RIMKLA: variants seen among roughly 807,000 people sequenced by gnomAD.
The protein encoded by RIMKLA is ribosomal modification protein rimK like family member A.
In RIMKLA, 14 loss-of-function variants were observed where a neutral mutation model predicts 32.7. The observed-to-expected ratio is 0.43, with a 90% CI of 0.28 to 0.67. The LOEUF (loss-of-function observed/expected upper bound fraction) is 0.67, where lower values mean the gene tolerates loss of function less well. Ranked by LOEUF, RIMKLA falls within the 30% of genes least tolerant of loss-of-function variation. The pLI is 0.18. For missense variants in RIMKLA, 410 were observed against 519.0 expected, an observed-to-expected ratio of 0.79 and a Z score of 2.04; for synonymous variants, 176 against 204.1, an observed-to-expected ratio of 0.86 and a Z score of 1.18.
rs545971561 is a variant in RIMKLA at position 42,387,547 on chromosome 1, C to T, written c.163+6450C>T. On this transcript the variant is annotated intron_variant, in intron 1 of 4. Coordinates refer to ENST00000431473, the MANE Select transcript of RIMKLA (RefSeq NM_173642.4). ...ACTTTATGTGTCTTAATCTTTGCAA[C>T]AATCCTATACATTCATTTATTTCAT... Among the ~76,000 whole-genome samples the T allele has an allele frequency of 1.9e-3, 286 of 152,310 alleles. 2 individuals carry two copies. Among genetic ancestry groups the T allele is most frequent in the African/African-American group, 6.6e-3 (273 of 41,562 alleles).
intron 1 of RIMKLA, among the ~76,000 whole-genome samples, chr1:42,386,194 A>G (rs1372643508): frequency 6.6e-6 from 1 of 151,770 alleles, no homozygotes; most frequent in African/African-American, 2.4e-5. Flanking sequence ...AAATGCTGGT[A>G]TTACGGGCGT....
At chr1:42,389,902 A>C (rs937610987) in intron 1 of RIMKLA, among the ~76,000 whole-genome samples, 30 of 152,084 alleles carry the variant, frequency 2.0e-4, no homozygotes, top group African/African-American at 7.2e-4. Context: ...CCCCAATAAG[A>C]GCAGTTTCAG....
Position 42,423,123 on chromosome 1 carries a change from C to T in RIMKLA, c.*8149C>T, listed in dbSNP as rs1391386174. Among the ~76,000 whole-genome samples the T allele has an allele frequency of 1.3e-5, 2 of 152,054 alleles. No homozygotes were observed. The highest frequency in any genetic ancestry group is 4.8e-5 in the African/African-American group (2 of 41,384). On this transcript the variant is annotated 3_prime_UTR_variant, in exon 5 of 5. Transcript: ENST00000431473. ...TAACAGTCAAAACAAGGCTCAAGAC[C>T]CTTGAACTAAGGCTATTCCCCAGCT...
chr1:42,394,720 C>T (rs896704451), intron 1 of RIMKLA, among the ~76,000 whole-genome samples: 9 of 151,940 alleles, frequency 5.9e-5, no homozygotes, highest in African/African-American at 2.2e-4. Flanking sequence ...CATACAAATG[C>T]GTAAGTCCAG....
intron 1 of RIMKLA, among the ~76,000 whole-genome samples, chr1:42,395,370 T>C (rs1643034279): frequency 6.6e-6 from 1 of 151,894 alleles, no homozygotes; most frequent in African/African-American, 2.4e-5. Context: ...GTTTTTTTTT[T>C]TTTTTTAAGT....
At chr1:42,412,693 A>G (rs1353486033) in intron 4 of RIMKLA, 1 of 466,522 alleles carries the variant, frequency 2.1e-6, no homozygotes, top group African/African-American at 2.0e-5. Context: ...TAGAAACCAG[A>G]TGATGACTTT....
chr1:42,385,844 C>CTTTCTT lies in RIMKLA; in HGVS notation c.163+4748_163+4749insTTCTTT, dbSNP rs1553175520. On this transcript the variant is annotated intron_variant, in intron 1 of 4. Coordinates refer to ENST00000431473, the MANE Select transcript of RIMKLA (RefSeq NM_173642.4). ...CCTTCCTTCCTTTCTTTCTTTCTTT[C>CTTTCTT]TCTTTCTTTCTTTCTTTCTTTCTTT... Among the ~76,000 whole-genome samples the CTTTCTT allele has an allele frequency of 9.5e-3, 541 of 57,066 alleles. 77 individuals are homozygous for CTTTCTT. Among genetic ancestry groups the CTTTCTT allele is most frequent in the Middle Eastern group, 0.03 (3 of 100 alleles). 37.4% of individuals were successfully genotyped at this position (57,066 alleles called of 152,430 possible).
intron 1 of RIMKLA, among the ~76,000 whole-genome samples, chr1:42,390,850 A>G (rs12567285): frequency 0.15 from 22,858 of 152,034 alleles, 1,819 homozygotes; most frequent in East Asian, 0.23. Flanking sequence ...TAAAGGGTTG[A>G]ATTGGTCTGG....
At chr1:42,383,024 T>A (rs563814229) in intron 1 of RIMKLA, among the ~76,000 whole-genome samples, 30 of 150,552 alleles carry the variant, frequency 2.0e-4, no homozygotes, top group African/African-American at 7.3e-4. Context: ...CTTTTTTTTT[T>A]AATTTTTATT....
Position 42,414,530 on chromosome 1 carries a change from G to A in RIMKLA, c.732G>A (p.Leu244=). 1 of 1,614,188 alleles carries A rather than the reference G, an allele frequency of 6.2e-7. No homozygotes were observed. The highest frequency in any genetic ancestry group is 8.5e-7 in the Non-Finnish European group (1 of 1,180,030). ...KCPLTEQGKQ[L]AIQVSNILGM... ...CGCTGACAGAACAAGGCAAGCAGTT[G>A]GCTATTCAGGTGTCCAACATCCTAG... is the stretch of plus-strand genomic sequence containing the variant. The change falls in exon 5 of 5, where the codon TTG becomes TTA. Residue 244 remains leucine, a synonymous_variant. Coordinates refer to ENST00000431473, the MANE Select transcript of RIMKLA (RefSeq NM_173642.4).
chr1:42,419,995 A>G lies in RIMKLA; in HGVS notation c.*5021A>G, dbSNP rs940892646. On this transcript the variant is annotated 3_prime_UTR_variant, in exon 5 of 5. Coordinates refer to ENST00000431473, the MANE Select transcript of RIMKLA (RefSeq NM_173642.4). The stretch of plus-strand genomic sequence containing the variant: ...ACATGCTCCAGTTTCAATCAGCAAC[A>G]AGGTCAAAAGTTTCCCCCCACTTTC... The G allele has an allele frequency of 6.6e-6, 1 of 152,262 alleles. No homozygotes were observed. The highest frequency in any genetic ancestry group is 2.4e-5 in the African/African-American group (1 of 41,448). 9.4% of individuals were successfully genotyped at this position (152,262 alleles called of 1,614,324 possible).
At chr1:42,385,883 T>TTCTTTCC (rs1557750087) in intron 1 of RIMKLA, among the ~76,000 whole-genome samples, 4 of 90,250 alleles carry the variant, frequency 4.4e-5, no homozygotes, top group African/African-American at 1.7e-4. Flanking sequence ...TCTTTCTTTC[T>TTCTTTCC]TTCTTTCTTT....
At chr1:42,385,775 C>CTTTGTTTG (rs1280215808) in intron 1 of RIMKLA, among the ~76,000 whole-genome samples, 32 of 55,352 alleles carry the variant, frequency 5.8e-4, no homozygotes, top group African/African-American at 2.7e-3. Context: ...TTCTTTGTTT[C>CTTTGTTTG]TTTGTTTGTT....
At chr1:42,400,705 G>A (rs1643089727) in intron 2 of RIMKLA, among the ~76,000 whole-genome samples, 2 of 152,148 alleles carry the variant, frequency 1.3e-5, no homozygotes, top group Admixed American at 6.5e-5. Flanking sequence ...ATTTCAGTTT[G>A]GGACATGATC....
chr1:42,386,493 G>GT (rs202135712), intron 1 of RIMKLA, among the ~76,000 whole-genome samples: 2,224 of 151,942 alleles, frequency 0.015, 54 homozygotes, highest in African/African-American at 0.05. Context: ...GATTATAATT[G>GT]TTTTTTGGTT....
At chr1:42,385,747 C>CTTTG (rs1418722881) in intron 1 of RIMKLA, among the ~76,000 whole-genome samples, 1 of 118,578 alleles carries the variant, frequency 8.4e-6, no homozygotes, top group African/African-American at 5.0e-5. Context: ...TTCTTTCTTT[C>CTTTG]TTTCTTTCTT....
At chr1:42,388,583 G>C (rs945756543) in intron 1 of RIMKLA, among the ~76,000 whole-genome samples, 2 of 145,322 alleles carry the variant, frequency 1.4e-5, no homozygotes, top group Non-Finnish European at 3.0e-5. Flanking sequence ...GCAGTGGCAC[G>C]ATCTCAGCTC....
rs1557749963 is a variant in RIMKLA at position 42,385,850 on chromosome 1, CTTTCTT to C, written c.163+4755_163+4760del. Among the ~76,000 whole-genome samples, 34 of 33,616 alleles carry C rather than the reference CTTTCTT, an allele frequency of 1.0e-3. 2 individuals carry two copies. Among genetic ancestry groups the C allele is most frequent in the Non-Finnish European group, 1.2e-3 (16 of 13,700 alleles). The allele number at this position is 33,616 out of a possible 152,430, so 22.1% of individuals were successfully genotyped here. On this transcript the variant is annotated intron_variant, in intron 1 of 4. Transcript: ENST00000431473. Reference sequence around the variant, plus strand: ...TTCCTTTCTTTCTTTCTTTCTCTTTCTTTCTTTCTTTCTTTCTTTCTTTCTTTCTTT... The same window carrying C: ...TTCCTTTCTTTCTTTCTTTCTCTTTCTCTTTCTTTCTTTCTTTCTTTCTTT...
intron 1 of RIMKLA, among the ~76,000 whole-genome samples, chr1:42,397,988 T>G (rs1436126614): frequency 2.6e-5 from 4 of 152,152 alleles, no homozygotes; most frequent in Non-Finnish European, 5.9e-5. Flanking sequence ...TTGCATGCTC[T>G]CTTATACCAT....
Sources: allele counts gnomAD v4.1 joint callset (sites outside exome capture counted in the v4.1 genomes callset), GRCh38; gene constraint gnomAD v4.1.1; transcripts MANE v1.5; gene names NCBI Gene and HGNC (gene_info 2026-07-23, HGNC 2026-07-21).